The following SEMA6D variants were observed in gnomAD, a reference collection of about 807,000 sequenced individuals.
The protein encoded by SEMA6D is semaphorin-6D.
Under a neutral mutation model 106.6 loss-of-function variants are expected in SEMA6D, and 35 were observed. The ratio of observed to expected loss-of-function variants is 0.33; its 90% CI spans 0.25 to 0.44. The LOEUF (loss-of-function observed/expected upper bound fraction) is 0.44, where lower values mean the gene tolerates loss of function less well. SEMA6D is among the 20% of genes least tolerant of loss of function. The pLI is 1.00. For synonymous variants in SEMA6D, 499 were observed against 487.7 expected (o/e 1.02, Z -0.31); for missense variants, 1,185 against 1,345.9 (o/e 0.88, Z 1.87).
chr15:47,324,970 C>T (rs1373256273), intron 1 of SEMA6D, among the ~76,000 whole-genome samples: 1 of 151,866 alleles, frequency 6.6e-6, no homozygotes, highest in African/African-American at 2.4e-5. Context: ...TATTTAAAAC[C>T]ATGTATATAT....
At chr15:47,276,883 C>T (rs149373543) in intron 1 of SEMA6D, among the ~76,000 whole-genome samples, 81 of 152,252 alleles carry the variant, frequency 5.3e-4, no homozygotes, top group African/African-American at 1.9e-3. Context: ...AAGGATTCAC[C>T]ATTATAAATG....
chr15:47,196,315 G>C (rs1418054143), intron 1 of SEMA6D, among the ~76,000 whole-genome samples: 7 of 152,150 alleles, frequency 4.6e-5, no homozygotes, highest in African/African-American at 1.7e-4. Flanking sequence ...GAGGGTAATT[G>C]AGCCTGCAGT....
intron 4 of SEMA6D, among the ~76,000 whole-genome samples, chr15:47,685,147 C>A (rs146949964): frequency 7.6e-4 from 115 of 152,292 alleles, no homozygotes; most frequent in Non-Finnish European, 1.3e-3. Flanking sequence ...TCTTTCCAAG[C>A]GGTCTGTTTC....
At chr15:47,265,968 C>T (rs756084491) in intron 1 of SEMA6D, among the ~76,000 whole-genome samples, 48 of 152,122 alleles carry the variant, frequency 3.2e-4, no homozygotes, top group Non-Finnish European at 2.4e-4. Context: ...AGTCTTGAAG[C>T]TCCACTACTT....
At chr15:47,613,890 G>A (rs576213184) in intron 4 of SEMA6D, among the ~76,000 whole-genome samples, 9 of 152,006 alleles carry the variant, frequency 5.9e-5, no homozygotes, top group South Asian at 2.1e-4. Flanking sequence ...CTCGTGATCC[G>A]CCCGCCTCGG....
chr15:47,458,934 A>G (rs1351885075), intron 2 of SEMA6D, among the ~76,000 whole-genome samples: 1 of 152,068 alleles, frequency 6.6e-6, no homozygotes, highest in Non-Finnish European at 1.5e-5. Context: ...AAACACTAAG[A>G]TAAGCCCCAA....
chr15:47,698,871 G>A (rs1464989615), intron 4 of SEMA6D, among the ~76,000 whole-genome samples: 1 of 152,064 alleles, frequency 6.6e-6, no homozygotes, highest in Non-Finnish European at 1.5e-5. Context: ...AGACAAACTA[G>A]ATCCCTAGAC....
intron 1 of SEMA6D, among the ~76,000 whole-genome samples, chr15:47,232,296 G>A (rs183630079): frequency 6.6e-6 from 1 of 151,946 alleles, no homozygotes; most frequent in Non-Finnish European, 1.5e-5. Flanking sequence ...ACAATGAATA[G>A]TGCTGTAATA....
chr15:47,671,474 A>G (rs1333218893), intron 4 of SEMA6D, among the ~76,000 whole-genome samples: 1 of 152,172 alleles, frequency 6.6e-6, no homozygotes, highest in Non-Finnish European at 1.5e-5. Context: ...AAATTGTTAG[A>G]CAAACATCAG....
At chr15:47,635,283 G>A (rs1053714694) in intron 4 of SEMA6D, among the ~76,000 whole-genome samples, 3 of 152,164 alleles carry the variant, frequency 2.0e-5, no homozygotes, top group Non-Finnish European at 4.4e-5. Context: ...GACAGTTTGG[G>A]ATTGGCTGTA....
At chr15:47,353,905 G>A (rs1211341203) in intron 1 of SEMA6D, among the ~76,000 whole-genome samples, 2 of 152,144 alleles carry the variant, frequency 1.3e-5, no homozygotes, top group African/African-American at 4.8e-5. Context: ...TTAGAGACGA[G>A]ATGTGCAGGC....
intron 1 of SEMA6D, among the ~76,000 whole-genome samples, chr15:47,250,925 T>C (rs1049052873): frequency 2.6e-5 from 4 of 152,246 alleles, no homozygotes; most frequent in Non-Finnish European, 5.9e-5. Context: ...TTATCTGGTT[T>C]ATAATGTAGA....
intron 1 of SEMA6D, among the ~76,000 whole-genome samples, chr15:47,345,304 A>G (rs2038000418): frequency 1.3e-5 from 2 of 152,192 alleles, no homozygotes; most frequent in African/African-American, 4.8e-5. Flanking sequence ...CAACACTAAC[A>G]GATTGTAAGG....
chr15:47,351,187 A>G (rs995786578), intron 1 of SEMA6D, among the ~76,000 whole-genome samples: 5 of 152,124 alleles, frequency 3.3e-5, no homozygotes, highest in Non-Finnish European at 7.3e-5. Context: ...TATCATATCT[A>G]TCCTTAAAGG....
intron 3 of SEMA6D, among the ~76,000 whole-genome samples, chr15:47,493,904 G>T (rs1440191186): frequency 6.6e-6 from 1 of 152,102 alleles, no homozygotes; most frequent in Non-Finnish European, 1.5e-5. Flanking sequence ...TGTTGGGAAT[G>T]GAAGGTAATT....
At chr15:47,752,007 T>G (rs899682189) in intron 1 of SEMA6D, among the ~76,000 whole-genome samples, 4 of 152,026 alleles carry the variant, frequency 2.6e-5, no homozygotes, top group African/African-American at 9.7e-5. Flanking sequence ...AGACAGAGTG[T>G]TAGAAGCACA....
chr15:47,218,117 GTTGTTA>G (rs927595429), intron 1 of SEMA6D, among the ~76,000 whole-genome samples: 9 of 152,126 alleles, frequency 5.9e-5, no homozygotes, highest in South Asian at 2.1e-4. Flanking sequence ...GAGCTTCTAG[GTTGTTA>G]TTGTTATTGT....
intron 4 of SEMA6D, among the ~76,000 whole-genome samples, chr15:47,679,954 C>T (rs2145566325): frequency 6.6e-6 from 1 of 152,254 alleles, no homozygotes; most frequent in South Asian, 2.1e-4. Context: ...CAAAGCACCA[C>T]AGAATTTGGA....
intron 1 of SEMA6D, among the ~76,000 whole-genome samples, chr15:47,288,017 CG>C (rs1428848847): frequency 2.6e-5 from 4 of 151,972 alleles, no homozygotes; most frequent in Admixed American, 6.6e-5. Context: ...GAGAGTGCAG[CG>C]GGGTGGGGGC....
Sources: gnomAD v4.1 joint callset for allele counts (sites outside exome capture counted in the v4.1 genomes callset) on GRCh38, gnomAD v4.1.1 for gene constraint, MANE v1.5 for transcripts, NCBI Gene and HGNC (gene_info 2026-07-23, HGNC 2026-07-21) for gene names.